Variants in GRIN2A observed in about 807,000 individuals in gnomAD.
GRIN2A encodes the protein glutamate receptor ionotropic, NMDA 2A.
A neutral mutation model predicts 113.4 loss-of-function variants in GRIN2A; 22 were observed. The observed-to-expected ratio is 0.19, with a 90% confidence interval of 0.14 to 0.28. The LOEUF (loss-of-function observed/expected upper bound fraction) is 0.28, where lower values mean the gene tolerates loss of function less well. GRIN2A is among the 10% of genes least tolerant of loss of function. GRIN2A has a pLI of 1.00. For synonymous variants in GRIN2A, 827 were observed against 738.4 expected, an observed-to-expected ratio of 1.12 and a Z score of -1.94; for missense variants, 1,502 against 1,887.0, an observed-to-expected ratio of 0.80 and a Z score of 3.78.
intron 2 of GRIN2A, among the ~76,000 whole-genome samples, chr16:9,941,683 A>G (rs1438847671): frequency 2.0e-5 from 3 of 152,162 alleles, no homozygotes; most frequent in East Asian, 1.9e-4. Flanking sequence ...GGGAAAAAAA[A>G]CACTCAGCCT....
chr16:10,163,664 G>C (rs1055608315), intron 2 of GRIN2A, among the ~76,000 whole-genome samples: 4 of 144,866 alleles, frequency 2.8e-5, no homozygotes, highest in African/African-American at 1.0e-4. Context: ...AGCCACTAAA[G>C]GATTAACACC....
Position 9,971,094 on chromosome 16 carries a change from A to C in GRIN2A, c.415-32543T>G, listed in dbSNP as rs559472245. On this transcript the variant is annotated intron_variant, in intron 2 of 12. Transcript: ENST00000330684. ...GAACAAAGGCTATGGGTGACAAATA[A>C]GAGCAGACAGTATGAGGTGGGGTGA... is the stretch of plus-strand genomic sequence containing the variant. Among the ~76,000 whole-genome samples, 38 of 152,316 alleles carry C rather than the reference A, an allele frequency of 2.5e-4. No individual in the cohort carries two copies. The South Asian group carries it at 7.5e-3, about 30-fold the overall frequency.
intron 1 of GRIN2A, chr16:10,181,675 A>C (rs980555530): frequency 2.0e-5 from 3 of 152,268 alleles, no homozygotes; most frequent in Non-Finnish European, 4.4e-5. Flanking sequence ...GTTGAGGCGA[A>C]CTCCAAGAGG....
At chr16:9,874,017 T>A (rs2043316273) in intron 4 of GRIN2A, among the ~76,000 whole-genome samples, 1 of 152,226 alleles carries the variant, frequency 6.6e-6, no homozygotes, top group African/African-American at 2.4e-5. Flanking sequence ...CAACTCCCTT[T>A]AAGGGAATAC....
At chr16:9,894,752 G>A (rs1193334079) in intron 3 of GRIN2A, among the ~76,000 whole-genome samples, 1 of 152,158 alleles carries the variant, frequency 6.6e-6, no homozygotes, top group African/African-American at 2.4e-5. Context: ...CTGGCATACT[G>A]TGGGGGCTCA....
chr16:9,971,765 T>A (rs957541003), intron 2 of GRIN2A, among the ~76,000 whole-genome samples: 1 of 152,038 alleles, frequency 6.6e-6, no homozygotes, highest in African/African-American at 2.4e-5. Context: ...GGAAATCTCT[T>A]AACAGATTCC....
At chr16:9,955,855 C>T (rs2045294861) in intron 2 of GRIN2A, among the ~76,000 whole-genome samples, 1 of 152,208 alleles carries the variant, frequency 6.6e-6, no homozygotes, top group African/African-American at 2.4e-5. Context: ...TTCAAACTCT[C>T]TCTCACCGCC....
chr16:9,900,426 A>C (rs1390766496), intron 3 of GRIN2A, among the ~76,000 whole-genome samples: 1 of 152,212 alleles, frequency 6.6e-6, no homozygotes, highest in East Asian at 1.9e-4. Flanking sequence ...GTGACTCCTT[A>C]AGGAGAGGAC....
intron 2 of GRIN2A, among the ~76,000 whole-genome samples, chr16:9,955,908 G>A (rs541035209): frequency 6.6e-6 from 1 of 152,290 alleles, no homozygotes; most frequent in South Asian, 2.1e-4. Flanking sequence ...TATCACCTTT[G>A]GGCAGAAATC....
intron 4 of GRIN2A, among the ~76,000 whole-genome samples, chr16:9,855,148 C>T (rs2042946934): frequency 6.6e-6 from 1 of 152,140 alleles, no homozygotes; most frequent in Non-Finnish European, 1.5e-5. Context: ...GGTTCAGAAT[C>T]ATTAATAGCA....
intron 2 of GRIN2A, among the ~76,000 whole-genome samples, chr16:9,988,210 T>A (rs2046017447): frequency 6.6e-6 from 1 of 151,900 alleles, no homozygotes; most frequent in African/African-American, 2.4e-5. Flanking sequence ...GAAAAGGAGA[T>A]GTCAAGATGT....
chr16:9,903,834 G>T (rs58715312), intron 3 of GRIN2A, among the ~76,000 whole-genome samples: 3,213 of 152,180 alleles, frequency 0.021, 119 homozygotes, highest in African/African-American at 0.073. Context: ...ACTACCATTT[G>T]CCAAAACAAC....
intron 2 of GRIN2A, among the ~76,000 whole-genome samples, chr16:10,074,757 T>C (rs532201001): frequency 4.5e-4 from 68 of 152,290 alleles, no homozygotes; most frequent in African/African-American, 1.5e-3. Context: ...CGGCTAAAAA[T>C]ATGAGGTTTC....
intron 2 of GRIN2A, among the ~76,000 whole-genome samples, chr16:10,099,957 A>T (rs904333423): frequency 1.3e-5 from 2 of 151,946 alleles, no homozygotes; most frequent in Admixed American, 1.3e-4. Context: ...GAGTTAGTCA[A>T]TAATCACAAA....
rs1244252880 is a variant in GRIN2A at position 9,941,319 on chromosome 16, G to T, written c.415-2768C>A. On this transcript the variant is annotated intron_variant, in intron 2 of 12. Coordinates refer to ENST00000330684, the MANE Select transcript of GRIN2A (RefSeq NM_001134407.3). ...ACATGACCAGGGTACCCATGAAAAG[G>T]TCTGTGCACAGAGCAAAGCTGTAAG... 3.3e-5 allele frequency among the ~76,000 whole-genome samples: 5 copies of T among 152,298 alleles called. No individual in the cohort carries two copies. The East Asian group carries it at 9.7e-4, about 29-fold the overall frequency.
At chr16:9,849,357 T>G (rs1290905923) in intron 5 of GRIN2A, among the ~76,000 whole-genome samples, 3 of 151,624 alleles carry the variant, frequency 2.0e-5, no homozygotes, top group Admixed American at 2.0e-4. Context: ...ATAAATTAAA[T>G]TAAACTAGAA....
rs193201466 is a variant in GRIN2A at position 9,903,074 on chromosome 16, T to C, written c.1008-11974A>G. Among the ~76,000 whole-genome samples the C allele has an allele frequency of 2.5e-3, 377 of 151,334 alleles. 1 individual carries two copies. Among genetic ancestry groups the C allele is most frequent in the Non-Finnish European group, 4.2e-3 (283 of 67,858 alleles). ...ACCCCCACCTCCTGGATTCAAGCGA[T>C]TCACCTGCCTTAGCCTCTCTAGTAG... On this transcript the variant is annotated intron_variant, in intron 3 of 12. Coordinates refer to ENST00000330684, the MANE Select transcript of GRIN2A (RefSeq NM_001134407.3).
chr16:9,788,653 C>T (rs2141202058), intron 11 of GRIN2A, among the ~76,000 whole-genome samples: 1 of 151,964 alleles, frequency 6.6e-6, no homozygotes, highest in African/African-American at 2.4e-5. Context: ...TTTTTCCTTC[C>T]CCACACTATT....
At chr16:9,967,010 T>C (rs2141721610) in intron 2 of GRIN2A, among the ~76,000 whole-genome samples, 1 of 152,332 alleles carries the variant, frequency 6.6e-6, no homozygotes. Context: ...CACTGTTAAG[T>C]TCTCACGATG....
Sources: gnomAD v4.1 joint callset for allele counts (sites outside exome capture counted in the v4.1 genomes callset) on GRCh38, gnomAD v4.1.1 for gene constraint, MANE v1.5 for transcripts, NCBI Gene and HGNC (gene_info 2026-07-23, HGNC 2026-07-21) for gene names.